Variants in TCF4 observed in about 807,000 individuals in gnomAD.
TCF4 encodes SL3-3 enhancer factor 2.
TCF4 carries 3 observed loss-of-function variants against 82.1 expected under a neutral mutation model. The observed-to-expected ratio is 0.04, with a 90% CI of 0.02 to 0.09. The LOEUF is 0.09. Among genes scored for constraint, TCF4 ranks in the 10% least tolerant of loss-of-function variants. TCF4 has a pLI of 1.00. For missense variants in TCF4, 518 were observed against 852.7 expected (o/e 0.61, Z 4.89); for synonymous variants, 276 against 309.6 (o/e 0.89, Z 1.14).
chr18:55,406,386 T>G (rs1309010894), intron 5 of TCF4, among the ~76,000 whole-genome samples: 1 of 151,628 alleles, frequency 6.6e-6, no homozygotes, highest in Non-Finnish European at 1.5e-5. Flanking sequence ...AAACATAAAA[T>G]CGCGATTCCT....
intron 5 of TCF4, among the ~76,000 whole-genome samples, chr18:55,406,420 G>A (rs1290795683): frequency 1.3e-5 from 2 of 151,970 alleles, no homozygotes; most frequent in African/African-American, 4.8e-5. Context: ...AAGACTAAAA[G>A]CAGCCATTTT....
chr18:55,480,338 T>C (rs1296034779), intron 3 of TCF4, among the ~76,000 whole-genome samples: 1 of 147,598 alleles, frequency 6.8e-6, no homozygotes, highest in African/African-American at 2.5e-5. Flanking sequence ...TTACACTTAC[T>C]GTTATGGTCA....
chr18:55,352,960 G>A (rs138239228), intron 6 of TCF4, among the ~76,000 whole-genome samples: 131 of 152,196 alleles, frequency 8.6e-4, no homozygotes, highest in African/African-American at 3.1e-3. Flanking sequence ...ATTGGAAAGA[G>A]GAGTTTGAAA....
chr18:55,387,957 T>G (rs1241849611), intron 6 of TCF4, among the ~76,000 whole-genome samples: 1 of 152,210 alleles, frequency 6.6e-6, no homozygotes, highest in Non-Finnish European at 1.5e-5. Flanking sequence ...GAGCAAGGTC[T>G]GCTTGCTGTG....
chr18:55,495,323 AAAG>A (rs888542036), intron 3 of TCF4, among the ~76,000 whole-genome samples: 13 of 152,018 alleles, frequency 8.6e-5, no homozygotes, highest in South Asian at 2.1e-4. Flanking sequence ...AAAAAAAAAA[AAAG>A]AAGGTATTTG....
intron 2 of TCF4, among the ~76,000 whole-genome samples, chr18:55,622,344 T>C (rs1308871428): frequency 1.3e-5 from 2 of 150,570 alleles, no homozygotes; most frequent in African/African-American, 4.9e-5. Context: ...CCGTCTCTAC[T>C]AAAATACAAA....
chr18:55,500,823 C>G (rs2096690006), intron 3 of TCF4, among the ~76,000 whole-genome samples: 1 of 152,232 alleles, frequency 6.6e-6, no homozygotes, highest in South Asian at 2.1e-4. Context: ...CCATATGCCA[C>G]TGGCTTCATT....
At chr18:55,289,882 CAA>C (rs34795346) in intron 8 of TCF4, among the ~76,000 whole-genome samples, 7 of 138,474 alleles carry the variant, frequency 5.1e-5, no homozygotes, top group African/African-American at 7.9e-5. Context: ...AAGGCATTAC[CAA>C]AAAAAAAAAA....
intron 8 of TCF4, among the ~76,000 whole-genome samples, chr18:55,295,048 A>C (rs1601711397): frequency 6.6e-6 from 1 of 152,166 alleles, no homozygotes. Context: ...GAGAATCAAA[A>C]ACAGGTTGGA....
intron 6 of TCF4, among the ~76,000 whole-genome samples, chr18:55,355,157 T>A (rs1030478511): frequency 7.9e-5 from 12 of 152,182 alleles, no homozygotes; most frequent in Admixed American, 2.6e-4. Flanking sequence ...CAGGATTTTT[T>A]AAAATGTTAA....
chr18:55,586,157 AGCAGCAGCAGCAGC>A (rs2097646484), intron 2 of TCF4: 1 of 104,664 alleles, frequency 9.6e-6, no homozygotes, highest in African/African-American at 3.7e-4. Flanking sequence ...GAGGAGGAGC[AGCAGCAGCAGCAGC>A]AGCAGCAGCA....
chr18:55,635,658 C>T (rs1485680456), intron 1 of TCF4: 4 of 1,515,966 alleles, frequency 2.6e-6, no homozygotes, highest in Admixed American at 2.2e-5. Context: ...TTTTTGGTTT[C>T]AGTTTCTACT....
At chr18:55,519,457 G>T (rs1048034359) in intron 3 of TCF4, among the ~76,000 whole-genome samples, 1 of 141,928 alleles carries the variant, frequency 7.0e-6, no homozygotes, top group East Asian at 2.5e-4. Context: ...AAAAAAAAAA[G>T]ATGTGTTCTA....
At chr18:55,435,237 C>G (rs2095304437) in intron 5 of TCF4, among the ~76,000 whole-genome samples, 1 of 152,170 alleles carries the variant, frequency 6.6e-6, no homozygotes, top group Admixed American at 6.5e-5. Context: ...GATAGGTAAC[C>G]TTCAACTTTA....
At chr18:55,634,001 G>C (rs911378798) in intron 1 of TCF4, among the ~76,000 whole-genome samples, 2 of 152,206 alleles carry the variant, frequency 1.3e-5, no homozygotes, top group South Asian at 2.1e-4. Context: ...GGGCGCAGTG[G>C]CTCACACCTG....
intron 3 of TCF4, among the ~76,000 whole-genome samples, chr18:55,531,044 C>T (rs1200376507): frequency 6.6e-6 from 1 of 151,830 alleles, no homozygotes; most frequent in African/African-American, 2.4e-5. Flanking sequence ...TTCCGCCTCC[C>T]GGGTTCAAGC....
chr18:55,586,427 C>T (rs537284184), intron 2 of TCF4, among the ~76,000 whole-genome samples: 1 of 152,286 alleles, frequency 6.6e-6, no homozygotes, highest in South Asian at 2.1e-4. Context: ...CGTAAAACTC[C>T]ACAAGTGTGT....
chr18:55,389,097 G>T (rs1043420833), intron 6 of TCF4, among the ~76,000 whole-genome samples: 2 of 152,102 alleles, frequency 1.3e-5, no homozygotes, highest in Non-Finnish European at 2.9e-5. Flanking sequence ...CTGCACTTCA[G>T]CCTGGGTGAC....
At chr18:55,459,375 ATTAAT>A (rs1439990713) in intron 5 of TCF4, among the ~76,000 whole-genome samples, 2 of 152,238 alleles carry the variant, frequency 1.3e-5, no homozygotes, top group Non-Finnish European at 2.9e-5. Context: ...ATTCTGTAAT[ATTAAT>A]TTATCAAGTT....
Sources: allele counts gnomAD v4.1 joint callset (sites outside exome capture counted in the v4.1 genomes callset), GRCh38; gene constraint gnomAD v4.1.1; transcripts MANE v1.5; gene names NCBI Gene and HGNC (gene_info 2026-07-23, HGNC 2026-07-21).